The following LILRB1 variants were observed in gnomAD, a reference collection of about 807,000 sequenced individuals.
The protein encoded by LILRB1 is leukocyte immunoglobulin like receptor B1.
In LILRB1, 59 loss-of-function variants were observed where a neutral mutation model predicts 74.6. The observed-to-expected ratio is 0.79, with a 90% CI of 0.64 to 0.98. The LOEUF (loss-of-function observed/expected upper bound fraction) is 0.98. Ranked by LOEUF, LILRB1 falls within the 50% of genes least tolerant of loss-of-function variation. The pLI is 0.00. For synonymous variants in LILRB1, 328 were observed against 333.9 expected, an observed-to-expected ratio of 0.98 and a Z score of 0.19; for missense variants, 804 against 822.6, an observed-to-expected ratio of 0.98 and a Z score of 0.28.
Position 54,632,645 on chromosome 19 carries a change from C to G in LILRB1, c.843C>G (p.Asn281Lys). 6.2e-7 allele frequency: 1 copy of G among 1,614,030 alleles called. No homozygotes were observed. The part of the protein sequence containing the change: ...AQPQAGLSQA[N>K]FTLGPVSRSY... ...CCCAGGCTGGGCTCTCCCAGGCCAACTTCACCCTGGGCCCTGTGAGCCGCT... is the reference window on the plus strand; with the variant it reads ...CCCAGGCTGGGCTCTCCCAGGCCAAGTTCACCCTGGGCCCTGTGAGCCGCT... The change falls in exon 6 of 15, where the codon AAC (asparagine) becomes AAG (lysine). Residue 281 changes from asparagine to lysine, a missense_variant. Coordinates refer to ENST00000324602, the MANE Select transcript of LILRB1 (RefSeq NM_001081637.3).
At position 54,636,814 on chromosome 19, in the gene LILRB1, C is replaced by A. The variant is rs546237047; in HGVS notation, c.1895C>A (p.Pro632His). Residue 632 changes from proline to histidine, a missense_variant, in exon 15 of 15, where the codon CCT (proline) becomes CAT (histidine). Coordinates refer to ENST00000324602, the MANE Select transcript of LILRB1 (RefSeq NM_001081637.3). ...CTCAGACGGGAGGCAACTGAGCCTC[C>A]TCCATCCCAGGAAGGGCCCTCTCCA... ...LTLRREATEP[P>H]PSQEGPSPAV... The A allele has an allele frequency of 1.4e-5, 22 of 1,613,514 alleles. No individual in the cohort carries two copies. In the South Asian group the frequency reaches 1.9e-4, roughly 14 times the overall value.
chr19:54,633,820 G>A, intron 8 of LILRB1, 132 bp downstream of exon 8: 1 of 1,446,952 alleles, frequency 6.9e-7, no homozygotes. Flanking sequence ...CAGAGGAGGG[G>A]CCACAGGGTC....
rs1199889705 is a variant in LILRB1, at chr19:54,632,651, C to T, written c.849C>T (p.Thr283=). 4.3e-6 allele frequency: 7 copies of T among 1,613,828 alleles called. No homozygotes were observed. Among genetic ancestry groups the T allele is most frequent in the African/African-American group, 2.7e-5 (2 of 74,904 alleles). ...CTGGGCTCTCCCAGGCCAACTTCACCCTGGGCCCTGTGAGCCGCTCCTACG... is the reference window on the plus strand; with the variant it reads ...CTGGGCTCTCCCAGGCCAACTTCACTCTGGGCCCTGTGAGCCGCTCCTACG... ...PQAGLSQANF[T]LGPVSRSYGG... is the part of the protein sequence containing the mutation. The change falls in exon 6 of 15, where the codon ACC becomes ACT. Residue 283 remains threonine, a synonymous_variant. Transcript: ENST00000324602.
rs775326849 is a variant in LILRB1 at position 54,632,460 on chromosome 19, C to T, written c.662-4C>T. The T allele has an allele frequency of 2.5e-6, 4 of 1,596,562 alleles. No individual in the cohort carries two copies. Among genetic ancestry groups the T allele is most frequent in the Non-Finnish European group, 3.4e-6 (4 of 1,169,152 alleles). ...TCCTGGAAACCATGACCACCTTTTC[C>T]CAGGTGTTTCTAAGAAGCCATCACT... is the stretch of plus-strand genomic sequence containing the variant. On this transcript the variant is annotated splice_region_variant and splice_polypyrimidine_tract_variant and intron_variant, in intron 5 of 14. Transcript: ENST00000324602.
chr19:54,631,810 C>T, intron 4 of LILRB1, 23 bp downstream of exon 4: 1 of 1,612,002 alleles, frequency 6.2e-7, no homozygotes, highest in South Asian at 1.1e-5. Context: ...TCAGGGGTCC[C>T]AGCCCCAGAC....
At chr19:54,624,067 AG>A (rs1361326228) in intron 1 of LILRB1, among the ~76,000 whole-genome samples, 1 of 152,146 alleles carries the variant, frequency 6.6e-6, no homozygotes, top group Non-Finnish European at 1.5e-5. Context: ...CTGTTGTTTC[AG>A]GGGAAGGGCT....
At chr19:54,634,055 G>C in intron 9 of LILRB1, 34 bp downstream of exon 9, 1 of 1,571,284 alleles carries the variant, frequency 6.4e-7, no homozygotes, top group Non-Finnish European at 8.6e-7. Context: ...AGGTGGGCAG[G>C]GTCCAGGGGA....
At chr19:54,629,995 C>A (rs376334477), upstream of LILRB1, among the ~76,000 whole-genome samples, 5 of 151,946 alleles carry the variant, frequency 3.3e-5, no homozygotes, top group East Asian at 3.9e-4. Context: ...AGTCCAACGC[C>A]AAGATCCTCT....
At chr19:54,631,421 G>A in intron 3 of LILRB1, 79 bp from the exon 4 acceptor site, 2 of 1,609,036 alleles carry the variant, frequency 1.2e-6, no homozygotes, top group Non-Finnish European at 1.7e-6. Flanking sequence ...GGGGCGTCTG[G>A]AGGGTCCTGG....
At chr19:54,618,949 T>G (rs925935767) in intron 1 of LILRB1, among the ~76,000 whole-genome samples, 3 of 152,106 alleles carry the variant, frequency 2.0e-5, no homozygotes, top group Non-Finnish European at 4.4e-5. Context: ...GTCACATAAT[T>G]TACAATCTAA....
At position 54,635,052 on chromosome 19, in the gene LILRB1, G is replaced by T. The variant is rs1013719609; in HGVS notation, c.1487-52G>T. 2.4e-5 allele frequency: 31 copies of T among 1,273,056 alleles called. No individual in the cohort carries two copies. The African/African-American group carries it at 3.1e-4, about 13-fold the overall frequency. The allele number at this position is 1,273,056 out of a possible 1,614,324, so 78.9% of individuals were successfully genotyped here. A position where few individuals can be genotyped will look rare whatever the true frequency, so the allele number is the denominator to read the frequency against. Reference sequence around the variant, plus strand: ...CCTTACCTTCGAGCTGTGTGTGCAGGGCAGGGGGCTCCAATGTTCCCAGGG... The same window carrying T: ...CCTTACCTTCGAGCTGTGTGTGCAGTGCAGGGGGCTCCAATGTTCCCAGGG... On this transcript the variant is annotated intron_variant, in intron 10 of 14. Transcript: ENST00000324602.
intron 9 of LILRB1, chr19:54,634,238 C>G: frequency 9.3e-6 from 14 of 1,499,672 alleles, no homozygotes; most frequent in Non-Finnish European, 1.3e-5. Context: ...AGGAGGCCTC[C>G]CAGGGAACCT....
chr19:54,618,997 G>A (rs1472393941), intron 1 of LILRB1, among the ~76,000 whole-genome samples: 2 of 151,968 alleles, frequency 1.3e-5, no homozygotes, highest in African/African-American at 2.4e-5. Context: ...GATTAGCTGG[G>A]TAATTTATAA....
chr19:54,625,883 C>A (rs1170703634), upstream of LILRB1, among the ~76,000 whole-genome samples: 1 of 143,320 alleles, frequency 7.0e-6, no homozygotes, highest in Non-Finnish European at 1.5e-5. Flanking sequence ...ATGTTAGGAG[C>A]CTCTCACTCA....
intron 7 of LILRB1, 149 bp from the exon 8 acceptor site, chr19:54,633,489 C>G: frequency 2.5e-6 from 3 of 1,193,394 alleles, no homozygotes; most frequent in Non-Finnish European, 2.3e-6. Flanking sequence ...CCTGCCCACC[C>G]TCAGTGGCAT....
chr19:54,632,677 G>A lies in LILRB1; in HGVS notation c.875G>A (p.Gly292Glu). The change falls in exon 6 of 15, where the codon GGG (glycine) becomes GAG (glutamate). Residue 292 changes from glycine (G) to glutamate (E), a missense_variant. Transcript: ENST00000324602. Reference protein sequence around the residue: ...FTLGPVSRSYGGQYRCYGAHN... With the variant: ...FTLGPVSRSYEGQYRCYGAHN... ...CTGGGCCCTGTGAGCCGCTCCTACG[G>A]GGGCCAGTACAGATGCTACGGTGCA... 6.2e-7 allele frequency: 1 copy of A among 1,613,548 alleles called. No individual in the cohort carries two copies. The highest frequency in any genetic ancestry group is 8.5e-7 in the Non-Finnish European group (1 of 1,180,014).
rs760414887 is a variant in LILRB1, at chr19:54,631,493, C to T, written c.71-7C>T. 5.6e-6 allele frequency: 9 copies of T among 1,604,990 alleles called. No homozygotes were observed. In the South Asian group the frequency reaches 7.7e-5, roughly 14 times the overall value. On this transcript the variant is annotated splice_region_variant and splice_polypyrimidine_tract_variant and intron_variant, in intron 3 of 14. Coordinates refer to ENST00000324602, the MANE Select transcript of LILRB1 (RefSeq NM_001081637.3). ...GAGTTAGAATCTGACTCCTGATTTC[C>T]TTCCAGGGCACCTCCCCAAGCCCAC...
intron 4 of LILRB1, 31 bp downstream of exon 4, chr19:54,631,818 G>A (rs1315930802): frequency 1.2e-6 from 2 of 1,611,134 alleles, no homozygotes; most frequent in East Asian, 4.5e-5. Context: ...CCCAGCCCCA[G>A]ACTCTGCCCT....
chr19:54,616,416 A>C (rs187319987), upstream of LILRB1, among the ~76,000 whole-genome samples: 6 of 152,264 alleles, frequency 3.9e-5, no homozygotes, highest in African/African-American at 1.4e-4. Context: ...CTTTTTGTCC[A>C]CAATAATTTG....
Sources: gnomAD v4.1 joint callset for allele counts (sites outside exome capture counted in the v4.1 genomes callset) on GRCh38, gnomAD v4.1.1 for gene constraint, MANE v1.5 for transcripts, NCBI Gene and HGNC (gene_info 2026-07-23, HGNC 2026-07-21) for gene names.